The following FCRL5 variants were observed in gnomAD, a reference collection of about 807,000 sequenced individuals.
FCRL5 encodes the protein Fc receptor-like protein 5.
FCRL5 carries 79 observed loss-of-function variants against 92.1 expected under a neutral mutation model. The observed-to-expected ratio is 0.86, with a 90% CI of 0.72 to 1.03. The LOEUF is 1.03. Among genes scored for constraint, FCRL5 ranks in the 50% least tolerant of loss-of-function variants. The pLI is 0.00. For synonymous variants in FCRL5, 466 were observed against 469.3 expected (o/e 0.99, Z 0.09); for missense variants, 1,160 against 1,181.1 (o/e 0.98, Z 0.26).
chr1:157,520,476 C>A lies in FCRL5; in HGVS notation c.2587G>T (p.Ala863Ser). Residue 863 changes from alanine (A) to serine (S), a missense_variant, in exon 12 of 17, where the codon GCT (alanine) becomes TCT (serine). Coordinates refer to ENST00000361835, the MANE Select transcript of FCRL5 (RefSeq NM_031281.3). ...CAGTAGAGCAGCAGTGCCCCCGCAGCAAGGCCTGCTATGCTGAGCAGGCCC... is the reference window on the plus strand; with the variant it reads ...CAGTAGAGCAGCAGTGCCCCCGCAGAAAGGCCTGCTATGCTGAGCAGGCCC... ...AGGLLSIAGLAAGALLLYCWL... is the reference protein window; with the variant it reads ...AGGLLSIAGLSAGALLLYCWL... The A allele has an allele frequency of 6.3e-7, 1 of 1,574,906 alleles. No homozygotes were observed. The highest frequency in any genetic ancestry group is 8.6e-7 in the Non-Finnish European group (1 of 1,159,768).
chr1:157,531,828 G>A (rs1650709252), intron 8 of FCRL5: 1 of 152,130 alleles, frequency 6.6e-6, no homozygotes, highest in Admixed American at 6.5e-5. Context: ...ACTGGGGAGG[G>A]GAGAGGGAAG....
chr1:157,527,118 G>A (rs1650465122), intron 9 of FCRL5, among the ~76,000 whole-genome samples: 1 of 152,200 alleles, frequency 6.6e-6, no homozygotes, highest in South Asian at 2.1e-4. Flanking sequence ...AGCAGGTAAG[G>A]AGGCAGAAGA....
At chr1:157,546,314 G>A in intron 3 of FCRL5, 1 of 440,380 alleles carries the variant, frequency 2.3e-6, no homozygotes, top group Non-Finnish European at 4.5e-6. Context: ...CAGGTGTGAT[G>A]GCGGGCTCTT....
At chr1:157,519,622 C>T (rs1166381734) in intron 13 of FCRL5, 121 bp downstream of exon 13, 2 of 1,099,502 alleles carry the variant, frequency 1.8e-6, no homozygotes, top group Non-Finnish European at 2.8e-6. Flanking sequence ...CAGGTAGTGG[C>T]CACACCCCAG....
intron 7 of FCRL5, among the ~76,000 whole-genome samples, chr1:157,538,196 C>A (rs187629896): frequency 5.5e-4 from 84 of 152,298 alleles, no homozygotes; most frequent in African/African-American, 1.9e-3. Context: ...CATTTGATGA[C>A]TCCCCCTGGG....
chr1:157,524,395 C>A lies in FCRL5; in HGVS notation c.2123G>T (p.Gly708Val), dbSNP rs267598085. The A allele has an allele frequency of 4.3e-6, 7 of 1,614,056 alleles. No individual in the cohort carries two copies. In the East Asian group the frequency reaches 1.3e-4, roughly 31 times the overall value. Residue 708 changes from glycine (G) to valine (V), a missense_variant, in exon 10 of 17, where the codon GGA (glycine) becomes GTA (valine). Physicochemically the swap from Gly to Val is moderately radical, Grantham distance 109. Transcript: ENST00000361835. ...AGAGAGGTTGAAGGAGGCCCCTCCT[C>A]CAGAGGGGGCTGAGATCTTACCCAG... ...VTLGKISAPS[G>V]GGASFNLSLT... is the part of the protein sequence containing the mutation.
chr1:157,523,110 G>T (rs79621391), intron 10 of FCRL5, among the ~76,000 whole-genome samples: 3,417 of 152,282 alleles, frequency 0.022, 123 homozygotes, highest in African/African-American at 0.077. Flanking sequence ...TGGATCATGG[G>T]TTAGCATGCC....
chr1:157,541,775 G>A (rs1318056254), intron 6 of FCRL5: 1 of 152,254 alleles, frequency 6.6e-6, no homozygotes, highest in Non-Finnish European at 1.5e-5. Context: ...GGCCAGGTTA[G>A]TGTAGTCGTA....
chr1:157,549,432 T>G (rs1440608273), intron 2 of FCRL5, 128 bp downstream of exon 2: 2 of 847,814 alleles, frequency 2.4e-6, no homozygotes, highest in East Asian at 5.4e-5. Flanking sequence ...ACTTAAAGTA[T>G]AATAAAAAAA....
rs186536736 is a variant in FCRL5 at position 157,526,353 on chromosome 1, C to T, written c.1960+1264G>A. ...TTGGAAAAACCTAGTAGATTAGAGC[C>T]TAGTGGATAGTGAGGACATGGAGAC... On this transcript the variant is annotated intron_variant, in intron 9 of 16. Transcript: ENST00000361835. 3.2e-4 allele frequency among the ~76,000 whole-genome samples: 48 copies of T among 152,178 alleles called. 1 individual carries two copies. Among genetic ancestry groups the T allele is most frequent in the South Asian group, 2.1e-4 (1 of 4,810 alleles).
In FCRL5 at chr1:157,530,514, G is replaced by C. The variant is rs1650649316; in HGVS notation, c.1682-2619C>G. Among the ~76,000 whole-genome samples the C allele has an allele frequency of 2.0e-5, 3 of 152,140 alleles. No homozygotes were observed. The South Asian group carries it at 6.2e-4, about 32-fold the overall frequency. ...CCTGAATAGCTGGGATTACAGGCAT[G>C]CACGACCATACCCGGCTAATTTTGT... On this transcript the variant is annotated intron_variant, in intron 8 of 16. Transcript: ENST00000361835.
chr1:157,529,713 G>A (rs770369128), intron 8 of FCRL5, among the ~76,000 whole-genome samples: 1 of 152,136 alleles, frequency 6.6e-6, no homozygotes, highest in Non-Finnish European at 1.5e-5. Flanking sequence ...AGTAACTCAG[G>A]AATGGAAAAC....
Position 157,515,214 on chromosome 1 carries a change from C to A in FCRL5, c.*461G>T. The A allele has an allele frequency of 4.0e-6, 1 of 248,270 alleles. No homozygotes were observed. The highest frequency in any genetic ancestry group is 2.2e-5 in the African/African-American group (1 of 45,410). 15.4% of individuals were successfully genotyped at this position (248,270 alleles called of 1,614,324 possible). The stretch of plus-strand genomic sequence containing the variant: ...CCATTTGGCAGCACACTGCAGTAGC[C>A]CCACCAGGCTGATGACAATTGAGAA... On this transcript the variant is annotated 3_prime_UTR_variant, in exon 17 of 17. Coordinates refer to ENST00000361835, the MANE Select transcript of FCRL5 (RefSeq NM_031281.3).
At position 157,518,413 on chromosome 1, in the gene FCRL5, C is replaced by T; in HGVS notation, c.2812+16G>A. ...AGTTGAGGGTGGGCCAGAACAGAGA[C>T]ATCCTTGGGTCTTACCTGCATGTTT... On this transcript the variant is annotated intron_variant, in intron 15 of 16. Transcript: ENST00000361835. 6.2e-7 allele frequency: 1 copy of T among 1,608,408 alleles called. No homozygotes were observed. Among genetic ancestry groups the T allele is most frequent in the Non-Finnish European group, 8.5e-7 (1 of 1,174,752 alleles).
In FCRL5 at chr1:157,515,942, G is replaced by A; in HGVS notation, c.2813-69C>T. 4 of 1,580,816 alleles carry A rather than the reference G, an allele frequency of 2.5e-6. No homozygotes were observed. The Admixed American group carries it at 5.1e-5, about 20-fold the overall frequency. On this transcript the variant is annotated intron_variant, in intron 15 of 16. Coordinates refer to ENST00000361835, the MANE Select transcript of FCRL5 (RefSeq NM_031281.3). ...GGCTCTTCCCTTGTGCCTGCGCTGT[G>A]GGGCCAGCCCTGAGCCTCCTGGAGG...
At chr1:157,549,608 G>T (rs1323335194) in intron 1 of FCRL5, 28 bp from the exon 2 acceptor site, 1 of 1,605,804 alleles carries the variant, frequency 6.2e-7, no homozygotes, top group South Asian at 1.1e-5. Flanking sequence ...CCAGAGATGA[G>T]CACAGAACCA....
chr1:157,534,958 C>T, intron 7 of FCRL5, 66 bp from the exon 8 acceptor site: 1 of 1,446,058 alleles, frequency 6.9e-7, no homozygotes, highest in South Asian at 1.4e-5. Context: ...AACACTTGGC[C>T]AGTGCAGATG....
chr1:157,525,815 G>T (rs1238006192), intron 9 of FCRL5, among the ~76,000 whole-genome samples: 1 of 152,224 alleles, frequency 6.6e-6, no homozygotes, highest in African/African-American at 2.4e-5. Context: ...GTTGAGAAGA[G>T]ATGTGTTTCA....
intron 1 of FCRL5, among the ~76,000 whole-genome samples, 191 bp from the exon 2 acceptor site, chr1:157,549,771 G>A (rs1165691543): frequency 4.6e-5 from 7 of 151,762 alleles, no homozygotes; most frequent in Non-Finnish European, 1.0e-4. Context: ...TATATGGCAT[G>A]GTATTTGGAC....
Sources: gnomAD v4.1 joint callset for allele counts (sites outside exome capture counted in the v4.1 genomes callset) on GRCh38, gnomAD v4.1.1 for gene constraint, MANE v1.5 for transcripts, NCBI Gene and HGNC (gene_info 2026-07-23, HGNC 2026-07-21) for gene names.